Variants in PLA2G4C observed in about 807,000 individuals in gnomAD.
The protein encoded by PLA2G4C is phospholipase A2 group IVC.
PLA2G4C carries 64 observed loss-of-function variants against 73.8 expected under a neutral mutation model. The observed-to-expected ratio is 0.87, with a 90% CI of 0.71 to 1.07. PLA2G4C has a LOEUF of 1.07. Ranked by LOEUF, PLA2G4C falls within the 50% of genes least tolerant of loss-of-function variation. PLA2G4C has a pLI of 0.00. For missense variants in PLA2G4C, 622 were observed against 665.4 expected, an observed-to-expected ratio of 0.93 and a Z score of 0.72; for synonymous variants, 254 against 252.1, an observed-to-expected ratio of 1.01 and a Z score of -0.07.
rs1024664294 is a variant in PLA2G4C at position 48,048,634 on chromosome 19, G to A, written c.1581-246C>T. Among the ~76,000 whole-genome samples, 4 of 152,120 alleles carry A rather than the reference G, an allele frequency of 2.6e-5. No individual in the cohort carries two copies. In the South Asian group the frequency reaches 8.3e-4, roughly 31 times the overall value. On this transcript the variant is annotated intron_variant, in intron 16 of 16. Transcript: ENST00000599921. ...ACTACGCTTATTAAGCATGTATCAG[G>A]AGCTGGGCTAGGAGGTAACTCTTTG...
At chr19:48,109,029 A>G (rs192697760) in intron 1 of PLA2G4C, 35 of 152,358 alleles carry the variant, frequency 2.3e-4, no homozygotes, top group Admixed American at 2.2e-3. Context: ...ACTATGAATT[A>G]AATTCCTCTC....
intron 7 of PLA2G4C, among the ~76,000 whole-genome samples, chr19:48,094,086 C>T (rs1036165000): frequency 6.6e-5 from 10 of 152,104 alleles, no homozygotes; most frequent in African/African-American, 2.4e-4. Flanking sequence ...CGGACTAATA[C>T]AGGGTCTCTG....
At chr19:48,062,214 A>G in intron 13 of PLA2G4C, 62 bp from the exon 14 acceptor site, 1 of 1,382,282 alleles carries the variant, frequency 7.2e-7, no homozygotes, top group Non-Finnish European at 9.7e-7. Flanking sequence ...AGACTTGGAA[A>G]TGGAAGGCAG....
intron 14 of PLA2G4C, among the ~76,000 whole-genome samples, chr19:48,057,272 A>C (rs959819657): frequency 1.2e-4 from 18 of 151,946 alleles, no homozygotes; most frequent in African/African-American, 4.4e-4. Context: ...GAATATTTTA[A>C]ATTTCTAAGT....
intron 13 of PLA2G4C, chr19:48,063,911 G>C (rs775427597): frequency 3.9e-5 from 6 of 151,906 alleles, no homozygotes; most frequent in Non-Finnish European, 7.4e-5. Flanking sequence ...TCTCATACAA[G>C]AAAGAATTCA....
chr19:48,086,503 C>G (rs1351012258), intron 9 of PLA2G4C, among the ~76,000 whole-genome samples: 1 of 152,148 alleles, frequency 6.6e-6, no homozygotes, highest in South Asian at 2.1e-4. Flanking sequence ...ACTGCCTGAC[C>G]CAGCCCACAC....
rs1568457595 is a variant in PLA2G4C, at chr19:48,105,937, C to CTTT, written c.9-494_9-493insAAA. Reference sequence around the variant, plus strand: ...TCCCTCCCTCCCTCCCTCCCTCCCTCCCTCCCTCCCTTCTTTCTTTCTTTC... The same window carrying CTTT: ...TCCCTCCCTCCCTCCCTCCCTCCCTCTTTCCTCCCTCCCTTCTTTCTTTCTTTC... On this transcript the variant is annotated intron_variant, in intron 2 of 16. Transcript: ENST00000599921. Among the ~76,000 whole-genome samples, 55 of 11,968 alleles carry CTTT rather than the reference C, an allele frequency of 4.6e-3. 9 individuals carry two copies. The highest frequency in any genetic ancestry group is 0.021 in the African/African-American group (20 of 936). 7.9% of individuals were successfully genotyped at this position (11,968 alleles called of 152,430 possible). A position where few individuals can be genotyped will look rare whatever the true frequency, so the allele number is the denominator to read the frequency against.
Position 48,048,292 on chromosome 19 carries a change from A to T in PLA2G4C, c.*51T>A. 6.9e-7 allele frequency: 1 copy of T among 1,448,732 alleles called. No homozygotes were observed. Among genetic ancestry groups the T allele is most frequent in the Non-Finnish European group, 9.5e-7 (1 of 1,049,880 alleles). The allele number at this position is 1,448,732 out of a possible 1,614,324, so 89.7% of individuals were successfully genotyped here. On this transcript the variant is annotated 3_prime_UTR_variant, in exon 17 of 17. Coordinates refer to ENST00000599921, the MANE Select transcript of PLA2G4C (RefSeq NM_003706.3). ...AGAACAGGAAGGCCAGGTGGACATC[A>T]GGGCCCTAGTAGACCAACAGGCCCA...
Position 48,063,301 on chromosome 19 carries a change from CA to C in PLA2G4C, c.1103-1150del, listed in dbSNP as rs201112165. Reference sequence around the variant, plus strand: ...TCGTGATCTACCCGCTTCTGCCTCCCAAAGTGCTGGCATTACAGGCGTGAGC... The same window carrying C: ...TCGTGATCTACCCGCTTCTGCCTCCCAAGTGCTGGCATTACAGGCGTGAGC... On this transcript the variant is annotated intron_variant, in intron 13 of 16. Coordinates refer to ENST00000599921, the MANE Select transcript of PLA2G4C (RefSeq NM_003706.3). Among the ~76,000 whole-genome samples the C allele has an allele frequency of 6.5e-3, 996 of 152,230 alleles. 13 individuals carry two copies. Among genetic ancestry groups the C allele is most frequent in the African/African-American group, 0.023 (957 of 41,540 alleles).
intron 6 of PLA2G4C, among the ~76,000 whole-genome samples, chr19:48,096,090 G>A (rs1238987000): frequency 6.6e-6 from 1 of 152,114 alleles, no homozygotes; most frequent in Non-Finnish European, 1.5e-5. Context: ...GGCCAGTGAG[G>A]AACTAATTAC....
intron 14 of PLA2G4C, among the ~76,000 whole-genome samples, chr19:48,061,168 G>A (rs1968153289): frequency 1.3e-5 from 2 of 151,610 alleles, no homozygotes; most frequent in Admixed American, 1.3e-4. Flanking sequence ...TGTGCCTGCA[G>A]TCCCAGCTAC....
chr19:48,083,751 A>G (rs1188460101), intron 10 of PLA2G4C, among the ~76,000 whole-genome samples: 1 of 151,232 alleles, frequency 6.6e-6, no homozygotes, highest in Admixed American at 6.6e-5. Context: ...CCGGCCCCTC[A>G]TTTCTTTATT....
chr19:48,068,510 A>G (rs12973624), intron 12 of PLA2G4C, among the ~76,000 whole-genome samples: 73,286 of 151,346 alleles, frequency 0.48, 19,319 homozygotes, highest in East Asian at 0.87. Context: ...GAGCGAGACC[A>G]CATCTTTACA....
At chr19:48,065,878 G>A (rs981923934) in intron 13 of PLA2G4C, among the ~76,000 whole-genome samples, 7 of 151,942 alleles carry the variant, frequency 4.6e-5, no homozygotes, top group Non-Finnish European at 1.0e-4. Flanking sequence ...GGTAGATCAC[G>A]AGGTCAGGAG....
At chr19:48,078,619 G>C (rs2030327202) in intron 10 of PLA2G4C, among the ~76,000 whole-genome samples, 1 of 152,066 alleles carries the variant, frequency 6.6e-6, no homozygotes, top group South Asian at 2.1e-4. Context: ...TTTTACAACA[G>C]CTGCAAAAAA....
At position 48,050,673 on chromosome 19, in the gene PLA2G4C, C is replaced by CTTTTTTTTTTT. The variant is rs5828330; in HGVS notation, c.1581-2296_1581-2286dup. Among the ~76,000 whole-genome samples the CTTTTTTTTTTT allele has an allele frequency of 4.8e-4, 38 of 78,748 alleles. 10 individuals are homozygous for CTTTTTTTTTTT. The highest frequency in any genetic ancestry group is 1.2e-3 in the South Asian group (2 of 1,620). 51.7% of individuals were successfully genotyped at this position (78,748 alleles called of 152,430 possible). On this transcript the variant is annotated intron_variant, in intron 16 of 16. Coordinates refer to ENST00000599921, the MANE Select transcript of PLA2G4C (RefSeq NM_003706.3). Reference sequence around the variant, plus strand: ...ATCCCTAGAGCCTGTGAGTATGTGACTTTTTTTTTTTTTTTTTTTGAGACA... The same window carrying CTTTTTTTTTTT: ...ATCCCTAGAGCCTGTGAGTATGTGACTTTTTTTTTTTTTTTTTTTTTTTTTTTTTTGAGACA...
At chr19:48,058,478 C>T (rs1968044294) in intron 14 of PLA2G4C, among the ~76,000 whole-genome samples, 2 of 152,168 alleles carry the variant, frequency 1.3e-5, no homozygotes, top group Admixed American at 1.3e-4. Flanking sequence ...GAAGGTGCTT[C>T]ATACCTGTAT....
At chr19:48,106,585 A>G (rs1329655798) in intron 1 of PLA2G4C, 24 bp from the exon 2 acceptor site, 2 of 1,605,818 alleles carry the variant, frequency 1.2e-6, no homozygotes, top group African/African-American at 2.7e-5. Flanking sequence ...GGCTCTTCTT[A>G]GTCCTGTGCC....
Position 48,056,471 on chromosome 19 carries a change from C to G in PLA2G4C, c.1258-1422G>C, listed in dbSNP as rs577594980. 1.3e-3 allele frequency among the ~76,000 whole-genome samples: 190 copies of G among 147,318 alleles called. 1 individual carries two copies. The highest frequency in any genetic ancestry group is 4.5e-3 in the African/African-American group (179 of 39,824). ...GCTGAGACAGGAGAATCGCTTGAAC[C>G]CGGGAGGCAGAGGTTGCAGTGAGCC... On this transcript the variant is annotated intron_variant, in intron 14 of 16. Coordinates refer to ENST00000599921, the MANE Select transcript of PLA2G4C (RefSeq NM_003706.3).
Sources: allele counts gnomAD v4.1 joint callset (sites outside exome capture counted in the v4.1 genomes callset), GRCh38; gene constraint gnomAD v4.1.1; transcripts MANE v1.5; gene names NCBI Gene and HGNC (gene_info 2026-07-23, HGNC 2026-07-21).